Variants in RAB12 observed in about 807,000 individuals in gnomAD.
The protein encoded by RAB12 is ras-related protein Rab-12.
Under a neutral mutation model 28.4 loss-of-function variants are expected in RAB12, and 11 were observed. That is an observed-to-expected ratio of 0.39 (90% CI 0.24 to 0.64). The LOEUF (loss-of-function observed/expected upper bound fraction) is 0.64, where lower values mean the gene tolerates loss of function less well. Ranked by LOEUF, RAB12 falls within the 30% of genes least tolerant of loss-of-function variation. The pLI is 0.50. For missense variants in RAB12, 276 were observed against 351.1 expected, an observed-to-expected ratio of 0.79 and a Z score of 1.71; for synonymous variants, 138 against 145.3, an observed-to-expected ratio of 0.95 and a Z score of 0.36.
At chr18:8,626,328 TGTTCCTA>T (rs2096012636) in intron 2 of RAB12, among the ~76,000 whole-genome samples, 1 of 152,254 alleles carries the variant, frequency 6.6e-6, no homozygotes, top group South Asian at 2.1e-4. Flanking sequence ...TGCCTCTCTC[TGTTCCTA>T]GTACCTGTGT....
intron 1 of RAB12, among the ~76,000 whole-genome samples, chr18:8,619,350 C>G (rs1465293289): frequency 6.6e-6 from 1 of 152,176 alleles, no homozygotes; most frequent in Non-Finnish European, 1.5e-5. Context: ...GTGTTTTTGC[C>G]ATTTTCACTT....
chr18:8,637,432 C>T (rs1308827304), intron 5 of RAB12, among the ~76,000 whole-genome samples: 1 of 152,052 alleles, frequency 6.6e-6, no homozygotes, highest in Non-Finnish European at 1.5e-5. Context: ...TGAGGTTGAT[C>T]TGTTCTCTTC....
intron 1 of RAB12, among the ~76,000 whole-genome samples, chr18:8,621,814 T>G (rs2096010035): frequency 8.8e-6 from 1 of 113,196 alleles, no homozygotes. Context: ...TTCCCTTCTT[T>G]TTGTCTGAGT....
intron 2 of RAB12, among the ~76,000 whole-genome samples, chr18:8,631,976 A>G (rs2096016226): frequency 6.6e-6 from 1 of 152,178 alleles, no homozygotes; most frequent in South Asian, 2.1e-4. Context: ...CTAATTTTCA[A>G]AATCTTGGTT....
intron 1 of RAB12, among the ~76,000 whole-genome samples, chr18:8,620,165 C>CTAA (rs2096009078): frequency 1.3e-5 from 1 of 75,430 alleles, no homozygotes; most frequent in Non-Finnish European, 2.3e-5. Context: ...TTTTTTGCTT[C>CTAA]AAAAAAAAAA....
In RAB12 at chr18:8,633,846, G is replaced by A. The variant is rs145411257; in HGVS notation, c.714+519G>A. 2.0e-3 allele frequency among the ~76,000 whole-genome samples: 304 copies of A among 152,262 alleles called. 4 individuals are homozygous for A. Among genetic ancestry groups the A allele is most frequent in the Middle Eastern group, 6.8e-3 (2 of 294 alleles). ...GCTCGTGATGGAATCATACAGATAG[G>A]CTGTGTCCCTGTGGTTAATGTGAAC... On this transcript the variant is annotated intron_variant, in intron 3 of 5. Transcript: ENST00000649141.
intron 1 of RAB12, among the ~76,000 whole-genome samples, chr18:8,621,205 C>G (rs2096009699): frequency 6.6e-6 from 1 of 152,130 alleles, no homozygotes; most frequent in South Asian, 2.1e-4. Context: ...AAATCATCTG[C>G]CAGATATTTG....
chr18:8,625,031 T>A, intron 2 of RAB12, 33 bp downstream of exon 2: 1 of 1,388,666 alleles, frequency 7.2e-7, no homozygotes, highest in Non-Finnish European at 1.0e-6. Context: ...AGTAATGTGC[T>A]GTGTGTGTTT....
chr18:8,636,133 A>G (rs879788905), intron 4 of RAB12, 120 bp from the exon 5 acceptor site: 1 of 688,930 alleles, frequency 1.5e-6, no homozygotes, highest in Non-Finnish European at 2.6e-6. Flanking sequence ...TTTGAGCGTC[A>G]GTGGGACTTT....
chr18:8,636,500 T>A, intron 5 of RAB12, 143 bp downstream of exon 5: 1 of 588,740 alleles, frequency 1.7e-6, no homozygotes, highest in Non-Finnish European at 2.9e-6. Context: ...GGTTGTTAAC[T>A]CAGCCACAGG....
At chr18:8,635,788 T>A in intron 4 of RAB12, 166 bp downstream of exon 4, 1 of 519,420 alleles carries the variant, frequency 1.9e-6, no homozygotes, top group South Asian at 3.1e-5. Flanking sequence ...TTCGTGCTCC[T>A]TTAAATTCAT....
chr18:8,620,164 T>TTTTTTTTTTTAA (rs1241560251), intron 1 of RAB12, among the ~76,000 whole-genome samples: 2 of 55,346 alleles, frequency 3.6e-5, no homozygotes, highest in Non-Finnish European at 6.8e-5. Flanking sequence ...TTTTTTTGCT[T>TTTTTTTTTTTAA]CAAAAAAAAA....
At chr18:8,630,126 T>C (rs536234086) in intron 2 of RAB12, among the ~76,000 whole-genome samples, 1 of 152,344 alleles carries the variant, frequency 6.6e-6, no homozygotes, top group South Asian at 2.1e-4. Flanking sequence ...TTGCCAGGGC[T>C]AAGGACACAC....
At chr18:8,611,342 G>A (rs2096003663) in intron 1 of RAB12, among the ~76,000 whole-genome samples, 1 of 152,146 alleles carries the variant, frequency 6.6e-6, no homozygotes, top group South Asian at 2.1e-4. Flanking sequence ...TTATGGCTCC[G>A]TACTTCAGTA....
In RAB12 at chr18:8,638,183, A is replaced by G. The variant is rs769999520; in HGVS notation, c.944A>G (p.Asn315Ser). 3.3e-5 allele frequency: 53 copies of G among 1,613,804 alleles called. No individual in the cohort carries two copies. In the Admixed American group the frequency reaches 6.3e-4, roughly 19 times the overall value. Residue 315 changes from asparagine to serine, a missense_variant, in exon 6 of 6, where the codon AAT (asparagine) becomes AGT (serine). This residue lies in a region of RAB12 where 127 missense variants were observed against 161.4 expected (regional missense o/e 0.79). Coordinates refer to ENST00000649141, the MANE Select transcript of RAB12 (RefSeq NM_001025300.3). ...GATATTTTAAGGAATGAGTTGTCCA[A>G]TAGTATCCTGTCGTTACAACCAGAG... ...PLDILRNELS[N>S]SILSLQPEPE...
Position 8,633,302 on chromosome 18 carries a change from C to G in RAB12, c.689C>G (p.Pro230Arg), listed in dbSNP as rs370232589. The G allele has an allele frequency of 3.1e-6, 5 of 1,613,760 alleles. No individual in the cohort carries two copies. The South Asian group carries it at 5.5e-5, about 18-fold the overall frequency. ...ITKKETFDDL[P>R]KWMKMIDKYA... ...AAGAAGGAGACATTTGATGATTTGC[C>G]GAAATGGATGAAGATGATTGATAAG... The change falls in exon 3 of 6, where the codon CCG becomes CGG. Residue 230 changes from proline (P) to arginine (R), a missense_variant. Transcript: ENST00000649141.
At chr18:8,635,726 A>ACTGT in intron 4 of RAB12, 104 bp downstream of exon 4, 3 of 703,262 alleles carry the variant, frequency 4.3e-6, no homozygotes, top group Non-Finnish European at 6.8e-6. Context: ...AGAAATTATC[A>ACTGT]ATACAGTGAT....
At chr18:8,623,120 G>A (rs987818443) in intron 1 of RAB12, among the ~76,000 whole-genome samples, 3 of 152,022 alleles carry the variant, frequency 2.0e-5, no homozygotes, top group Non-Finnish European at 2.9e-5. Flanking sequence ...CATCCTCCTC[G>A]GCTTACAAGA....
Position 8,639,039 on chromosome 18 carries a change from A to G in RAB12, c.*777A>G, listed in dbSNP as rs924035244. On this transcript the variant is annotated 3_prime_UTR_variant, in exon 6 of 6. Coordinates refer to ENST00000649141, the MANE Select transcript of RAB12 (RefSeq NM_001025300.3). ...GAATTTTAAAGAGATGCATTTTACT[A>G]TATCAAAGAACATACGTGTATTTGC... 1 of 151,568 alleles carries G rather than the reference A, an allele frequency of 6.6e-6. No individual in the cohort carries two copies. The highest frequency in any genetic ancestry group is 1.5e-5 in the Non-Finnish European group (1 of 67,970). The allele number at this position is 151,568 out of a possible 1,614,324, so 9.4% of individuals were successfully genotyped here.
Sources: allele counts gnomAD v4.1 joint callset (sites outside exome capture counted in the v4.1 genomes callset), GRCh38; gene constraint gnomAD v4.1.1; regional missense constraint gnomAD v4.1.1; transcripts MANE v1.5; gene names NCBI Gene and HGNC (gene_info 2026-07-23, HGNC 2026-07-21).